AKT3: variants seen among roughly 807,000 people sequenced by gnomAD.
AKT3 encodes AKT serine/threonine kinase 3.
AKT3 carries 15 observed loss-of-function variants against 65.3 expected under a neutral mutation model. That is an observed-to-expected ratio of 0.23 (90% confidence interval 0.15 to 0.35). AKT3 has a LOEUF of 0.35. Among genes scored for constraint, AKT3 ranks in the 10% least tolerant of loss-of-function variants. The pLI is 1.00. For missense variants in AKT3, 243 were observed against 576.5 expected (o/e 0.42, Z 5.92); for synonymous variants, 206 against 183.8 (o/e 1.12, Z -0.98).
At chr1:243,647,571 G>A (rs142404716) in intron 4 of AKT3, among the ~76,000 whole-genome samples, 1 of 152,102 alleles carries the variant, frequency 6.6e-6, no homozygotes, top group South Asian at 2.1e-4. Flanking sequence ...GTACTTATTA[G>A]TATTTAAAAA....
chr1:243,820,066 A>C (rs922107201), intron 2 of AKT3, among the ~76,000 whole-genome samples: 3 of 152,102 alleles, frequency 2.0e-5, no homozygotes, highest in African/African-American at 4.8e-5. Flanking sequence ...CTACAGGCGC[A>C]TGCCACCACG....
intron 12 of AKT3, among the ~76,000 whole-genome samples, chr1:243,537,076 A>G (rs147715764): frequency 2.6e-5 from 4 of 152,314 alleles, no homozygotes; most frequent in Admixed American, 2.6e-4. Context: ...ACAACTCAGG[A>G]AAGTTCCACT....
chr1:243,708,511 T>C (rs977584872), intron 2 of AKT3, among the ~76,000 whole-genome samples: 45 of 152,024 alleles, frequency 3.0e-4, no homozygotes, highest in African/African-American at 1.0e-3. Context: ...TACGTACATA[T>C]TTCTTTCCTC....
intron 2 of AKT3, among the ~76,000 whole-genome samples, chr1:243,772,368 C>T (rs1273431914): frequency 6.6e-6 from 1 of 152,052 alleles, no homozygotes; most frequent in Non-Finnish European, 1.5e-5. Context: ...ATCAAAAAAA[C>T]AGGCAAAGGA....
chr1:243,691,963 G>A (rs1478918915), intron 3 of AKT3, among the ~76,000 whole-genome samples: 4 of 152,180 alleles, frequency 2.6e-5, no homozygotes, highest in Non-Finnish European at 5.9e-5. Context: ...AGGGGTAGGG[G>A]GGAACAGGAA....
At chr1:243,740,515 G>C (rs1026566118) in intron 2 of AKT3, among the ~76,000 whole-genome samples, 1 of 152,154 alleles carries the variant, frequency 6.6e-6, no homozygotes, top group East Asian at 1.9e-4. Flanking sequence ...AAATGCAAAT[G>C]TGTCTTTTTC....
Position 243,620,425 on chromosome 1 carries a change from G to GTCGCCC in AKT3, c.562-5265_562-5264insGGGCGA, listed in dbSNP as rs1223461482. ...GTTTTGATTTGCATTTCCCTGATGA[G>GTCGCCC]TAGTGATATGACACACTTTTACAAA... is the stretch of plus-strand genomic sequence containing the variant. On this transcript the variant is annotated intron_variant, in intron 6 of 13. Transcript: ENST00000673466. Among the ~76,000 whole-genome samples the GTCGCCC allele has an allele frequency of 3.7e-3, 153 of 41,108 alleles. 58 individuals are homozygous for GTCGCCC. The highest frequency in any genetic ancestry group is 0.014 in the Non-Finnish European group (102 of 7,162). 27.0% of individuals were successfully genotyped at this position (41,108 alleles called of 152,430 possible).
intron 2 of AKT3, among the ~76,000 whole-genome samples, chr1:243,746,013 A>C (rs565002835): frequency 6.6e-6 from 1 of 152,332 alleles, no homozygotes; most frequent in Admixed American, 6.5e-5. Context: ...TCTAAAATTC[A>C]GCTTTAATGC....
intron 12 of AKT3, among the ~76,000 whole-genome samples, chr1:243,528,372 G>A (rs888020438): frequency 6.6e-6 from 1 of 151,984 alleles, no homozygotes; most frequent in Non-Finnish European, 1.5e-5. Context: ...TGTTATATAG[G>A]AAAACTGCAT....
At chr1:243,618,542 C>T (rs320311) in intron 6 of AKT3, among the ~76,000 whole-genome samples, 145,477 of 152,198 alleles carry the variant, frequency 0.96, 69,889 homozygotes, top group East Asian at 1. Context: ...AAAAATCCAT[C>T]TGTTGATCAT....
intron 13 of AKT3, among the ~76,000 whole-genome samples, chr1:243,489,664 C>T (rs1665889451): frequency 6.6e-6 from 1 of 152,198 alleles, no homozygotes; most frequent in Non-Finnish European, 1.5e-5. Flanking sequence ...ACACACAGAA[C>T]ATGCATTAAT....
rs186847268 is a variant in AKT3, at chr1:243,598,518, T to C, written c.696+15153A>G. ...ATTAGGAAGAAATTTTCTCCATAAC[T>C]CTCTCTCATAATAGCCTAACAGGAA... On this transcript the variant is annotated intron_variant, in intron 8 of 13. Transcript: ENST00000673466. Among the ~76,000 whole-genome samples the C allele has an allele frequency of 6.6e-5, 10 of 152,246 alleles. No individual in the cohort carries two copies. In the East Asian group the frequency reaches 1.9e-3, roughly 29 times the overall value.
intron 4 of AKT3, among the ~76,000 whole-genome samples, chr1:243,657,222 C>A (rs556119234): frequency 6.6e-6 from 1 of 152,230 alleles, no homozygotes; most frequent in South Asian, 2.1e-4. Context: ...GGGAAAGACA[C>A]CTTCTATGAA....
At chr1:243,793,142 A>G (rs1365881908) in intron 2 of AKT3, 1 of 152,240 alleles carries the variant, frequency 6.6e-6, no homozygotes, top group Non-Finnish European at 1.5e-5. Context: ...TCCACTCTCT[A>G]TGCTTTTTCT....
intron 6 of AKT3, among the ~76,000 whole-genome samples, chr1:243,636,563 A>C (rs1460022948): frequency 1.3e-5 from 2 of 152,100 alleles, no homozygotes; most frequent in African/African-American, 4.8e-5. Flanking sequence ...TTAAATGAAA[A>C]AAACTAAGGC....
At chr1:243,499,196 A>T (rs1668866301), downstream of AKT3, among the ~76,000 whole-genome samples, 2 of 152,232 alleles carry the variant, frequency 1.3e-5, no homozygotes, top group Admixed American at 1.3e-4. Context: ...GCGTAAAACT[A>T]AGAGACCTCA....
chr1:243,607,177 G>A (rs1677491955), intron 8 of AKT3, among the ~76,000 whole-genome samples: 1 of 152,228 alleles, frequency 6.6e-6, no homozygotes, highest in Non-Finnish European at 1.5e-5. Flanking sequence ...CTGCCTAGTG[G>A]AGCTGTGAGA....
chr1:243,513,859 G>T (rs568558045), intron 12 of AKT3, among the ~76,000 whole-genome samples: 2 of 152,194 alleles, frequency 1.3e-5, no homozygotes, highest in South Asian at 2.1e-4. Context: ...CTTTCTAGCT[G>T]CCCTGCTGGA....
chr1:243,744,596 G>A (rs960050087), intron 2 of AKT3, among the ~76,000 whole-genome samples: 5 of 151,472 alleles, frequency 3.3e-5, no homozygotes, highest in African/African-American at 7.3e-5. Context: ...AAAATTAGCC[G>A]GGCGTAGTGG....
Sources: allele counts gnomAD v4.1 joint callset (sites outside exome capture counted in the v4.1 genomes callset), GRCh38; gene constraint gnomAD v4.1.1; transcripts MANE v1.5; gene names NCBI Gene and HGNC (gene_info 2026-07-23, HGNC 2026-07-21).